The following EDA variants were observed in gnomAD, a reference collection of about 807,000 sequenced individuals.
EDA encodes the protein ectodysplasin-A.
A neutral mutation model predicts 23.6 loss-of-function variants in EDA; 2 were observed. The observed-to-expected ratio is 0.08, with a 90% CI of 0.03 to 0.27. The LOEUF is 0.27. Among genes scored for constraint, EDA ranks in the 10% least tolerant of loss-of-function variants. The pLI is 1.00. For missense variants in EDA, 229 were observed against 324.2 expected, an observed-to-expected ratio of 0.71 and a Z score of 2.26; for synonymous variants, 131 against 132.0, an observed-to-expected ratio of 0.99 and a Z score of 0.05.
chrX:69,996,440 A>G (rs972944195), intron 2 of EDA, among the ~76,000 whole-genome samples: 1 of 112,215 alleles, frequency 8.9e-6, no homozygotes, highest in Non-Finnish European at 1.9e-5. Context: ...TCCATAAACA[A>G]GGAAACATGA....
At chrX:69,811,564 C>A (rs2015957175) in intron 1 of EDA, among the ~76,000 whole-genome samples, 1 of 111,465 alleles carries the variant, frequency 9.0e-6, no homozygotes, top group South Asian at 3.8e-4. Flanking sequence ...AAGAAAGACC[C>A]CTAGGTAGTG....
chrX:69,618,844 A>G (rs1932075975), intron 1 of EDA, among the ~76,000 whole-genome samples: 1 of 111,194 alleles, frequency 9.0e-6, no homozygotes, highest in East Asian at 2.8e-4. Flanking sequence ...TTTTAGCCCA[A>G]ATTCAACTTG....
At position 69,715,031 on chromosome X, in the gene EDA, C is replaced by CTATTT. The variant is rs892228829; in HGVS notation, c.396+98328_396+98332dup. 2.9e-5 allele frequency among the ~76,000 whole-genome samples: 3 copies of CTATTT among 103,307 alleles called. No homozygotes were observed. In the Admixed American group the frequency reaches 3.2e-4, roughly 11 times the overall value. The allele number at this position is 103,307 out of a possible 115,157, so 89.7% of individuals were successfully genotyped here. A position where few individuals can be genotyped will look rare whatever the true frequency, so the allele number is the denominator to read the frequency against. ...CAATCAATGAACACAATATATCTATCTATTTAGGTCTTTTAAAAATTCCTT... is the reference window on the plus strand; with the variant it reads ...CAATCAATGAACACAATATATCTATCTATTTTATTTAGGTCTTTTAAAAATTCCTT... On this transcript the variant is annotated intron_variant, in intron 1 of 7. Coordinates refer to ENST00000374552, the MANE Select transcript of EDA (RefSeq NM_001399.5).
At chrX:69,724,432 A>C (rs1047599327) in intron 1 of EDA, among the ~76,000 whole-genome samples, 10 of 111,394 alleles carry the variant, frequency 9.0e-5, no homozygotes, top group African/African-American at 2.6e-4. Context: ...CCCTTTGTAC[A>C]GAACCCTCTT....
At chrX:69,953,215 A>T (rs1366735021) in intron 1 of EDA, among the ~76,000 whole-genome samples, 1 of 112,561 alleles carries the variant, frequency 8.9e-6, no homozygotes, top group Non-Finnish European at 1.9e-5. Context: ...AGCAGATTAT[A>T]AGCAGCAAAT....
At chrX:69,948,183 G>A (rs1042181726) in intron 1 of EDA, among the ~76,000 whole-genome samples, 2 of 112,483 alleles carry the variant, frequency 1.8e-5, no homozygotes, top group African/African-American at 6.5e-5. Flanking sequence ...GAACTGGTCT[G>A]TAGTACAATT....
intron 2 of EDA, among the ~76,000 whole-genome samples, chrX:69,971,274 T>A (rs1218828131): frequency 8.9e-6 from 1 of 112,170 alleles, no homozygotes; most frequent in Non-Finnish European, 1.9e-5. Context: ...TCAAATGAAT[T>A]GATGTCTGTG....
intron 1 of EDA, among the ~76,000 whole-genome samples, chrX:69,743,241 GCTA>G (rs1370567082): frequency 9.0e-6 from 1 of 111,573 alleles, no homozygotes; most frequent in Non-Finnish European, 1.9e-5. Context: ...TGCCGCCGTT[GCTA>G]CTACTACTAC....
chrX:69,791,251 G>A (rs1276306914), intron 1 of EDA, among the ~76,000 whole-genome samples: 2 of 112,036 alleles, frequency 1.8e-5, no homozygotes, highest in Non-Finnish European at 3.8e-5. Flanking sequence ...AAGGTCTGGA[G>A]ATAGGAATAG....
chrX:69,624,584 T>A (rs1053002864), intron 1 of EDA, among the ~76,000 whole-genome samples: 2 of 111,339 alleles, frequency 1.8e-5, no homozygotes, highest in Non-Finnish European at 3.8e-5. Context: ...CAATCTCACA[T>A]CTCCTTAATT....
chrX:69,855,989 C>T (rs2017239131), intron 1 of EDA, among the ~76,000 whole-genome samples: 1 of 109,991 alleles, frequency 9.1e-6, no homozygotes, highest in East Asian at 2.9e-4. Context: ...TTGGTGCACC[C>T]ATCACCCAAG....
chrX:69,972,254 G>A (rs1350803541), intron 2 of EDA, among the ~76,000 whole-genome samples: 1 of 111,059 alleles, frequency 9.0e-6, no homozygotes, highest in Non-Finnish European at 1.9e-5. Context: ...TGATTTTTCT[G>A]ATTGCTAAGG....
At chrX:69,873,301 A>C (rs1050326158) in intron 1 of EDA, among the ~76,000 whole-genome samples, 6 of 112,318 alleles carry the variant, frequency 5.3e-5, no homozygotes. Context: ...AGTCTGAAAG[A>C]ATACAAATAG....
intron 2 of EDA, among the ~76,000 whole-genome samples, chrX:69,972,169 G>A (rs770012212): frequency 3.5e-4 from 39 of 111,725 alleles, no homozygotes; most frequent in Non-Finnish European, 7.4e-4. Flanking sequence ...ACATTTAAAT[G>A]TAAGTTAAGA....
intron 1 of EDA, among the ~76,000 whole-genome samples, chrX:69,789,732 A>G (rs188887532): frequency 0.015 from 1,643 of 111,595 alleles, 21 homozygotes; most frequent in Non-Finnish European, 0.023. Flanking sequence ...CTCATTTTCT[A>G]TATTCATTCT....
chrX:69,713,821 C>T (rs2012196477), intron 1 of EDA, among the ~76,000 whole-genome samples: 1 of 111,173 alleles, frequency 9.0e-6, no homozygotes, highest in African/African-American at 3.3e-5. Context: ...AGAAAGCTGC[C>T]ATGAACATTT....
chrX:69,747,070 C>T (rs1438758493), intron 1 of EDA, among the ~76,000 whole-genome samples: 2 of 111,721 alleles, frequency 1.8e-5, no homozygotes, highest in Non-Finnish European at 3.8e-5. Context: ...TCCCTCCCTT[C>T]CTAGAGTACA....
rs1039749008 is a variant in EDA at position 69,750,290 on chromosome X, G to A, written c.396+133586G>A. Among the ~76,000 whole-genome samples, 203 of 104,767 alleles carry A rather than the reference G, an allele frequency of 1.9e-3. 1 individual carries two copies. The highest frequency in any genetic ancestry group is 3.5e-3 in the Non-Finnish European group (178 of 51,393). 91.0% of individuals were successfully genotyped at this position (104,767 alleles called of 115,157 possible). ...ATGCGGTGTTTGGTTTTCTGTCCTC[G>A]CGATAGTTTGCCCAGAATGATGGTT... On this transcript the variant is annotated intron_variant, in intron 1 of 7. Transcript: ENST00000374552.
chrX:69,649,648 G>A (rs767683092), intron 1 of EDA, among the ~76,000 whole-genome samples: 35 of 107,260 alleles, frequency 3.3e-4, no homozygotes, highest in South Asian at 8.5e-4. Context: ...GTGCAGTGGC[G>A]TGATCTCAGC....
Sources: allele counts gnomAD v4.1 joint callset (sites outside exome capture counted in the v4.1 genomes callset), GRCh38; gene constraint gnomAD v4.1.1; transcripts MANE v1.5; gene names NCBI Gene and HGNC (gene_info 2026-07-23, HGNC 2026-07-21).